The following NBAS variants were observed in gnomAD, a reference collection of about 807,000 sequenced individuals.
NBAS encodes NAG/BC035112 fusion.
In NBAS, 219 loss-of-function variants were observed where a neutral mutation model predicts 302.5. The ratio of observed to expected loss-of-function variants is 0.72; its 90% CI spans 0.65 to 0.81. The LOEUF is 0.81. Ranked by LOEUF, NBAS falls within the 30% of genes least tolerant of loss-of-function variation. NBAS has a pLI of 0.00. For synonymous variants in NBAS, 1,118 were observed against 1,021.6 expected, an observed-to-expected ratio of 1.09 and a Z score of -1.80; for missense variants, 2,932 against 2,841.6, an observed-to-expected ratio of 1.03 and a Z score of -0.72.
chr2:15,236,322 C>T (rs889639586), intron 45 of NBAS, among the ~76,000 whole-genome samples: 3 of 151,594 alleles, frequency 2.0e-5, no homozygotes, highest in Non-Finnish European at 4.4e-5. Context: ...CCAAGGTGGG[C>T]GAGTAGCTTG....
At chr2:15,212,704 T>C (rs1275887353) in intron 48 of NBAS, among the ~76,000 whole-genome samples, 1 of 152,176 alleles carries the variant, frequency 6.6e-6, no homozygotes, top group Admixed American at 6.5e-5. Flanking sequence ...GCTATTCTCG[T>C]GATAGTAAGT....
chr2:14,968,809 G>T, the NBAS span, among the ~76,000 whole-genome samples: 1 of 152,152 alleles, frequency 6.6e-6, no homozygotes, highest in Non-Finnish European at 1.5e-5. Flanking sequence ...CTTACATGTA[G>T]AGTTTTAAAT....
At chr2:15,140,191 C>T in the NBAS span, among the ~76,000 whole-genome samples, 8 of 152,288 alleles carry the variant, frequency 5.3e-5, no homozygotes, top group South Asian at 8.3e-4. Context: ...GTGAATAGCC[C>T]GCCTCAACCG....
chr2:14,936,728 A>T, the NBAS span, among the ~76,000 whole-genome samples: 13 of 152,200 alleles, frequency 8.5e-5, no homozygotes, highest in Non-Finnish European at 1.6e-4. Flanking sequence ...GGCTGGAGAT[A>T]CGTGCTGGAA....
intron 48 of NBAS, among the ~76,000 whole-genome samples, chr2:15,197,412 T>C (rs1665673566): frequency 6.6e-6 from 1 of 152,228 alleles, no homozygotes; most frequent in South Asian, 2.1e-4. Flanking sequence ...ATCTGTAATT[T>C]GTGCTGATGA....
At chr2:15,519,646 T>C (rs1662567866) in intron 9 of NBAS, among the ~76,000 whole-genome samples, 2 of 152,136 alleles carry the variant, frequency 1.3e-5, no homozygotes, top group African/African-American at 2.4e-5. Flanking sequence ...GATCTCCCTA[T>C]GTAGCCCAGG....
intron 11 of NBAS, among the ~76,000 whole-genome samples, chr2:15,491,652 C>T (rs1050967039): frequency 1.3e-4 from 19 of 151,806 alleles, no homozygotes; most frequent in African/African-American, 3.9e-4. Context: ...AGGTGAATGG[C>T]GTGAACCAAG....
intron 23 of NBAS, among the ~76,000 whole-genome samples, chr2:15,419,789 G>A (rs540674238): frequency 1.3e-5 from 2 of 152,072 alleles, no homozygotes; most frequent in African/African-American, 4.8e-5. Context: ...TCGGCTCACG[G>A]CAAGCTCTGC....
chr2:15,310,865 T>C (rs773408290), intron 38 of NBAS, among the ~76,000 whole-genome samples: 1 of 152,330 alleles, frequency 6.6e-6, no homozygotes, highest in Non-Finnish European at 1.5e-5. Flanking sequence ...CTGTGTGTCT[T>C]ACCAATACCC....
At chr2:15,131,991 C>T in the NBAS span, among the ~76,000 whole-genome samples, 1 of 152,210 alleles carries the variant, frequency 6.6e-6, no homozygotes, top group African/African-American at 2.4e-5. Flanking sequence ...ACACCTCCTA[C>T]TAGGCCCCAC....
At chr2:15,548,042 A>G (rs1313309955) in intron 6 of NBAS, among the ~76,000 whole-genome samples, 1 of 152,218 alleles carries the variant, frequency 6.6e-6, no homozygotes, top group Admixed American at 6.5e-5. Context: ...TTATACATGG[A>G]TCTCTATAAT....
At chr2:15,079,552 C>T in the NBAS span, among the ~76,000 whole-genome samples, 1 of 152,156 alleles carries the variant, frequency 6.6e-6, no homozygotes, top group Admixed American at 6.5e-5. Flanking sequence ...TAACCCAAAC[C>T]TCTTGCCATC....
chr2:15,506,513 G>A (rs1034194998), intron 10 of NBAS, among the ~76,000 whole-genome samples: 3 of 152,130 alleles, frequency 2.0e-5, no homozygotes, highest in Admixed American at 1.3e-4. Context: ...AAGAGAAGGC[G>A]AACCAAGGAT....
intron 36 of NBAS, 145 bp downstream of exon 36, chr2:15,330,453 A>G (rs1359873552): frequency 9.9e-7 from 1 of 1,006,248 alleles, no homozygotes; most frequent in Non-Finnish European, 1.5e-6. Flanking sequence ...ATTACTCCCT[A>G]TCTGATGAGA....
intron 31 of NBAS, among the ~76,000 whole-genome samples, chr2:15,371,147 C>T (rs991454593): frequency 5.9e-5 from 9 of 152,256 alleles, no homozygotes; most frequent in African/African-American, 7.2e-5. Context: ...TTTAAAAGCG[C>T]GGCACTTCCT....
At chr2:14,917,681 G>T in the NBAS span, among the ~76,000 whole-genome samples, 4 of 152,184 alleles carry the variant, frequency 2.6e-5, no homozygotes, top group Non-Finnish European at 5.9e-5. Flanking sequence ...ACATTGCTCA[G>T]CTCCCCCATT....
chr2:15,364,001 T>C (rs901292702), intron 32 of NBAS, among the ~76,000 whole-genome samples: 2 of 152,142 alleles, frequency 1.3e-5, no homozygotes, highest in Non-Finnish European at 2.9e-5. Flanking sequence ...AGCAGCCCAA[T>C]GGAGAGTTCC....
chr2:15,178,271 TACTC>T (rs887232204), intron 51 of NBAS: 2 of 408,346 alleles, frequency 4.9e-6, no homozygotes, highest in African/African-American at 2.0e-5. Context: ...ATAGTGTACA[TACTC>T]AAACAGACAT....
chr2:15,175,536 G>A (rs777188985), intron 51 of NBAS, among the ~76,000 whole-genome samples: 4 of 152,194 alleles, frequency 2.6e-5, no homozygotes, highest in African/African-American at 4.8e-5. Context: ...AAACACATCA[G>A]CAGCATTGCC....
Sources: gnomAD v4.1 joint callset for allele counts (sites outside exome capture counted in the v4.1 genomes callset) on GRCh38, gnomAD v4.1.1 for gene constraint, MANE v1.5 for transcripts, NCBI Gene and HGNC (gene_info 2026-07-23, HGNC 2026-07-21) for gene names.